PAWR: variants seen among roughly 807,000 people sequenced by gnomAD.
PAWR encodes the protein PRKC apoptosis WT1 regulator protein.
In PAWR, 23 loss-of-function variants were observed where a neutral mutation model predicts 32.0. That is an observed-to-expected ratio of 0.72 (90% CI 0.52 to 1.02). The LOEUF (loss-of-function observed/expected upper bound fraction) is 1.02, where lower values mean the gene tolerates loss of function less well. PAWR is among the 50% of genes least tolerant of loss of function. PAWR has a pLI of 0.00. For synonymous variants in PAWR, 226 were observed against 187.1 expected, an observed-to-expected ratio of 1.21 and a Z score of -1.70; for missense variants, 457 against 437.7, an observed-to-expected ratio of 1.04 and a Z score of -0.39.
At chr12:79,612,940 C>A (rs904964372) in intron 4 of PAWR, among the ~76,000 whole-genome samples, 1 of 152,136 alleles carries the variant, frequency 6.6e-6, no homozygotes, top group Non-Finnish European at 1.5e-5. Flanking sequence ...TGTGTCCTCC[C>A]AAAATTCATA....
At chr12:79,686,529 T>G (rs1878687409) in intron 2 of PAWR, among the ~76,000 whole-genome samples, 1 of 152,196 alleles carries the variant, frequency 6.6e-6, no homozygotes, top group Non-Finnish European at 1.5e-5. Flanking sequence ...CATTCAATAT[T>G]ACAGGGTGGG....
At chr12:79,623,727 A>T (rs539847345) in intron 2 of PAWR, among the ~76,000 whole-genome samples, 1 of 152,314 alleles carries the variant, frequency 6.6e-6, no homozygotes, top group South Asian at 2.1e-4. Flanking sequence ...TTAAAATTCC[A>T]ATCAAAATCA....
intron 4 of PAWR, among the ~76,000 whole-genome samples, chr12:79,602,279 A>G (rs1399472668): frequency 6.6e-6 from 1 of 152,200 alleles, no homozygotes; most frequent in Non-Finnish European, 1.5e-5. Flanking sequence ...AAAAGTTCCA[A>G]TATTTTCCTC....
chr12:79,627,323 C>T (rs1875382551), intron 2 of PAWR, among the ~76,000 whole-genome samples: 1 of 152,158 alleles, frequency 6.6e-6, no homozygotes, highest in African/African-American at 2.4e-5. Context: ...TTTTGATTTG[C>T]ATTTCTCTGA....
At chr12:79,619,004 A>G (rs1874877100) in intron 3 of PAWR, among the ~76,000 whole-genome samples, 1 of 151,886 alleles carries the variant, frequency 6.6e-6, no homozygotes, top group Non-Finnish European at 1.5e-5. Context: ...GGGTATTAAT[A>G]AAGCTAGATT....
At chr12:79,670,877 G>A (rs2177973) in intron 2 of PAWR, among the ~76,000 whole-genome samples, 2 of 145,204 alleles carry the variant, frequency 1.4e-5, no homozygotes, top group Non-Finnish European at 3.0e-5. Flanking sequence ...TTTTTTAGGG[G>A]TTTTTTTTTT....
At chr12:79,668,881 A>G (rs1364865658) in intron 2 of PAWR, among the ~76,000 whole-genome samples, 1 of 152,210 alleles carries the variant, frequency 6.6e-6, no homozygotes, top group Non-Finnish European at 1.5e-5. Context: ...AGGAATCCAG[A>G]CAACAAGTTG....
intron 3 of PAWR, among the ~76,000 whole-genome samples, chr12:79,614,560 C>G (rs886255873): frequency 1.3e-5 from 2 of 152,096 alleles, no homozygotes; most frequent in African/African-American, 4.8e-5. Context: ...GCAGTCATGT[C>G]TCTGTTCAAT....
chr12:79,650,104 T>G (rs1413647079), intron 2 of PAWR, among the ~76,000 whole-genome samples: 1 of 152,206 alleles, frequency 6.6e-6, no homozygotes, highest in Non-Finnish European at 1.5e-5. Context: ...TATAGCCTGG[T>G]AGGGTCTGCA....
At chr12:79,607,868 G>A (rs944569096) in intron 4 of PAWR, among the ~76,000 whole-genome samples, 2 of 151,900 alleles carry the variant, frequency 1.3e-5, no homozygotes, top group African/African-American at 4.8e-5. Flanking sequence ...CAATGATCAT[G>A]GTGAAACCCC....
At chr12:79,684,707 A>T (rs1878601279) in intron 2 of PAWR, among the ~76,000 whole-genome samples, 1 of 152,180 alleles carries the variant, frequency 6.6e-6, no homozygotes, top group South Asian at 2.1e-4. Context: ...TTTTAATGCC[A>T]GTGTTTATAT....
chr12:79,685,742 AT>A, intron 2 of PAWR, among the ~76,000 whole-genome samples: 1 of 152,310 alleles, frequency 6.6e-6, no homozygotes. Context: ...ATTCAATTCC[AT>A]ACCTTTACTG....
intron 2 of PAWR, among the ~76,000 whole-genome samples, chr12:79,641,334 T>C (rs1449564991): frequency 6.6e-6 from 1 of 152,150 alleles, no homozygotes; most frequent in Non-Finnish European, 1.5e-5. Flanking sequence ...ATCCCTACTT[T>C]ATGGATTTGA....
intron 2 of PAWR, among the ~76,000 whole-genome samples, chr12:79,649,762 C>A (rs1223875178): frequency 1.3e-5 from 2 of 152,054 alleles, no homozygotes; most frequent in Non-Finnish European, 2.9e-5. Context: ...GGGACTCCAG[C>A]CTGGTGACAG....
chr12:79,649,881 G>A (rs937256379), intron 2 of PAWR, among the ~76,000 whole-genome samples: 1 of 152,110 alleles, frequency 6.6e-6, no homozygotes, highest in Non-Finnish European at 1.5e-5. Context: ...TTCACGGACT[G>A]GGCTGTAGCA....
rs151158218 is a variant in PAWR, at chr12:79,674,729, C to T, written c.516+15000G>A. 4.1e-3 allele frequency among the ~76,000 whole-genome samples: 622 copies of T among 151,996 alleles called. 11 individuals are homozygous for T. The highest frequency in any genetic ancestry group is 0.014 in the African/African-American group (590 of 41,468). On this transcript the variant is annotated intron_variant, in intron 2 of 6. Coordinates refer to ENST00000328827, the MANE Select transcript of PAWR (RefSeq NM_002583.4). The stretch of plus-strand genomic sequence containing the variant: ...CAATAAGCCAAAAAAAAAATGACCG[C>T]ATTAAAAAGCGGGCAAAGGACATGA...
At chr12:79,690,842 GAA>G (rs1436133490) in intron 1 of PAWR, 28 bp downstream of exon 1, 1 of 152,280 alleles carries the variant, frequency 6.6e-6, no homozygotes, top group Non-Finnish European at 1.5e-5. Context: ...GCCGAGCGTG[GAA>G]AGGACCGGGT....
chr12:79,619,574 A>G (rs1019304134), intron 3 of PAWR, among the ~76,000 whole-genome samples: 1 of 152,184 alleles, frequency 6.6e-6, no homozygotes, highest in Admixed American at 6.5e-5. Flanking sequence ...TCAGGCATCC[A>G]TTGGAGGTCT....
intron 2 of PAWR, among the ~76,000 whole-genome samples, chr12:79,664,172 T>C (rs923581362): frequency 4.1e-4 from 63 of 152,036 alleles, no homozygotes; most frequent in Admixed American, 1.5e-3. Flanking sequence ...AAAGTAAATA[T>C]CCTCGAGACA....
Sources: allele counts gnomAD v4.1 joint callset (sites outside exome capture counted in the v4.1 genomes callset), GRCh38; gene constraint gnomAD v4.1.1; transcripts MANE v1.5; gene names NCBI Gene and HGNC (gene_info 2026-07-23, HGNC 2026-07-21).